STAG1: variants seen among roughly 807,000 people sequenced by gnomAD.
STAG1 encodes STAG1 cohesin complex component, also known as cohesin subunit SA-1.
A neutral mutation model predicts 170.9 loss-of-function variants in STAG1; 26 were observed. The observed-to-expected ratio is 0.15, with a 90% CI of 0.11 to 0.21. STAG1 has a LOEUF of 0.21. Ranked by LOEUF, STAG1 falls within the 10% of genes least tolerant of loss-of-function variation. STAG1 has a pLI of 1.00. For synonymous variants in STAG1, 514 were observed against 497.7 expected (o/e 1.03, Z -0.44); for missense variants, 964 against 1,509.5 (o/e 0.64, Z 5.99).
chr3:136,671,659 G>A (rs1456833537), intron 1 of STAG1, among the ~76,000 whole-genome samples: 1 of 152,184 alleles, frequency 6.6e-6, no homozygotes, highest in Non-Finnish European at 1.5e-5. Context: ...CACTGTGGGA[G>A]GTAGGTGGAT....
At chr3:136,375,217 A>G (rs1937529285) in intron 23 of STAG1, among the ~76,000 whole-genome samples, 1 of 152,234 alleles carries the variant, frequency 6.6e-6, no homozygotes, top group Non-Finnish European at 1.5e-5. Context: ...CCAGTATCTA[A>G]TAAAGCCTCC....
Position 136,338,164 on chromosome 3 carries a change from A to T in STAG1, c.*90T>A, listed in dbSNP as rs902196335. On this transcript the variant is annotated 3_prime_UTR_variant, in exon 34 of 34. Coordinates refer to ENST00000383202, the MANE Select transcript of STAG1 (RefSeq NM_005862.3). Reference sequence around the variant, plus strand: ...ATTAAAAAACAAATCAGATCACATCAAAAGTGTTTTTCCCCATACAAGCTA... The same window carrying T: ...ATTAAAAAACAAATCAGATCACATCTAAAGTGTTTTTCCCCATACAAGCTA... The T allele has an allele frequency of 1.1e-5, 9 of 855,274 alleles. No homozygotes were observed. The highest frequency in any genetic ancestry group is 1.7e-5 in the Non-Finnish European group (9 of 519,804). 53.0% of individuals were successfully genotyped at this position (855,274 alleles called of 1,614,324 possible). A position where few individuals can be genotyped will look rare whatever the true frequency, so the allele number is the denominator to read the frequency against.
At chr3:136,738,564 T>C (rs1261216790) in intron 1 of STAG1, among the ~76,000 whole-genome samples, 1 of 151,952 alleles carries the variant, frequency 6.6e-6, no homozygotes, top group African/African-American at 2.4e-5. Context: ...GGCATGAGAA[T>C]CACTTGAACC....
chr3:136,440,902 T>C (rs573126264), intron 15 of STAG1, among the ~76,000 whole-genome samples: 49 of 152,102 alleles, frequency 3.2e-4, no homozygotes, highest in African/African-American at 1.2e-3. Context: ...GGTCGGAGGA[T>C]TGCTTAAGCT....
intron 7 of STAG1, among the ~76,000 whole-genome samples, chr3:136,511,259 TAGG>T (rs888722653): frequency 3.3e-5 from 5 of 152,228 alleles, no homozygotes; most frequent in African/African-American, 9.6e-5. Context: ...TTACCCAGTC[TAGG>T]AGAATTCTTT....
chr3:136,479,646 T>A (rs2089869193), intron 9 of STAG1, among the ~76,000 whole-genome samples: 1 of 51,686 alleles, frequency 1.9e-5, no homozygotes, highest in African/African-American at 6.2e-5. Flanking sequence ...CCCTGAGGAA[T>A]CGCCACACTG....
In STAG1 at chr3:136,472,475, C is replaced by T; in HGVS notation, c.1143G>A (p.Met381Ile). 1 of 1,612,166 alleles carries T rather than the reference C, an allele frequency of 6.2e-7. No homozygotes were observed. The highest frequency in any genetic ancestry group is 8.5e-7 in the Non-Finnish European group (1 of 1,178,944). Residue 381 changes from methionine (M) to isoleucine (I), a missense_variant, in exon 12 of 34, where the codon ATG (methionine) becomes ATA (isoleucine). By Grantham distance (10) the Met-to-Ile change is conservative. This residue lies in a region of STAG1 where 162 missense variants were observed against 211.2 expected (regional missense o/e 0.77). Coordinates refer to ENST00000383202, the MANE Select transcript of STAG1 (RefSeq NM_005862.3). ...CAACATCATATTCTTTATCAAGTGT[C>T]ATTGATACAATGCGATCCTGAGAAA... Reference protein sequence around the residue: ...TNRFKDRIVSMTLDKEYDVAV... With the variant: ...TNRFKDRIVSITLDKEYDVAV...
intron 26 of STAG1, among the ~76,000 whole-genome samples, chr3:136,362,053 C>T (rs1027901567): frequency 1.3e-5 from 2 of 151,898 alleles, no homozygotes; most frequent in African/African-American, 4.8e-5. Context: ...CCTCCCAGGT[C>T]CAAATGATTG....
chr3:136,344,220 C>T (rs545946097), intron 29 of STAG1, among the ~76,000 whole-genome samples: 1 of 152,294 alleles, frequency 6.6e-6, no homozygotes, highest in South Asian at 2.1e-4. Flanking sequence ...CCTAACCTCA[C>T]GAAGTTGTAG....
chr3:136,728,333 G>A (rs1410037014), intron 1 of STAG1, among the ~76,000 whole-genome samples: 1 of 152,046 alleles, frequency 6.6e-6, no homozygotes. Flanking sequence ...TCCTTTTAAT[G>A]TCTTGTTTCT....
chr3:136,350,181 A>T (rs894228441), intron 28 of STAG1, among the ~76,000 whole-genome samples: 1 of 151,946 alleles, frequency 6.6e-6, no homozygotes, highest in African/African-American at 2.4e-5. Flanking sequence ...CAAGAACAGC[A>T]AAAGTTTTGT....
At chr3:136,604,524 A>G (rs748812291) in intron 3 of STAG1, 51 bp from the exon 4 acceptor site, 57 of 1,476,602 alleles carry the variant, frequency 3.9e-5, no homozygotes, top group Non-Finnish European at 5.0e-5. Context: ...ACTTTGCTTT[A>G]TATAAAATGA....
intron 3 of STAG1, among the ~76,000 whole-genome samples, chr3:136,612,178 C>T (rs138110673): frequency 1.3e-5 from 2 of 152,072 alleles, no homozygotes; most frequent in East Asian, 1.9e-4. Flanking sequence ...GCTATATGTT[C>T]GGATTCAGAA....
At chr3:136,647,331 G>A (rs1355650496) in intron 1 of STAG1, among the ~76,000 whole-genome samples, 2 of 152,162 alleles carry the variant, frequency 1.3e-5, no homozygotes, top group African/African-American at 2.4e-5. Flanking sequence ...AGCACTTTGG[G>A]AGGCCCAGGC....
At position 136,726,586 on chromosome 3, in the gene STAG1, G is replaced by A. The variant is rs72975373; in HGVS notation, c.-84+25609C>T. ...TCACAGGTGTGCGCCACCTTGCCTA[G>A]CTAATTTTCGTATTTTTAGTAGAGA... On this transcript the variant is annotated intron_variant, in intron 1 of 33. Coordinates refer to ENST00000383202, the MANE Select transcript of STAG1 (RefSeq NM_005862.3). 4.5e-3 allele frequency among the ~76,000 whole-genome samples: 678 copies of A among 152,200 alleles called. 6 individuals carry two copies. Among genetic ancestry groups the A allele is most frequent in the African/African-American group, 0.016 (647 of 41,530 alleles).
chr3:136,530,456 T>C (rs564152489), intron 6 of STAG1, among the ~76,000 whole-genome samples: 1 of 152,294 alleles, frequency 6.6e-6, no homozygotes, highest in South Asian at 2.1e-4. Flanking sequence ...TTCAGGGTGG[T>C]ATGGCCATAG....
chr3:136,567,436 AAT>A (rs1362738457), intron 5 of STAG1, among the ~76,000 whole-genome samples: 2 of 152,120 alleles, frequency 1.3e-5, no homozygotes, highest in Non-Finnish European at 2.9e-5. Context: ...CTTTTTGCAT[AAT>A]ATGTTACCTT....
chr3:136,446,417 T>C (rs2088778969), intron 14 of STAG1, among the ~76,000 whole-genome samples: 1 of 146,294 alleles, frequency 6.8e-6, no homozygotes, highest in Admixed American at 6.7e-5. Flanking sequence ...CCCTTCATTG[T>C]TTTTTTTTAA....
chr3:136,440,090 T>C (rs552925390), intron 15 of STAG1, among the ~76,000 whole-genome samples: 11 of 152,326 alleles, frequency 7.2e-5, no homozygotes, highest in African/African-American at 2.6e-4. Flanking sequence ...TGAGAGAAAG[T>C]TAACAATATC....
Sources: gnomAD v4.1 joint callset for allele counts (sites outside exome capture counted in the v4.1 genomes callset) on GRCh38, gnomAD v4.1.1 for gene constraint, gnomAD v4.1.1 regional missense constraint, MANE v1.5 for transcripts, NCBI Gene and HGNC (gene_info 2026-07-23, HGNC 2026-07-21) for gene names.